The following SFXN4 variants were observed in gnomAD, a reference collection of about 807,000 sequenced individuals.
The protein encoded by SFXN4 is sideroflexin-4.
Under a neutral mutation model 54.6 loss-of-function variants are expected in SFXN4, and 48 were observed. That is an observed-to-expected ratio of 0.88 (90% CI 0.70 to 1.12). The LOEUF (loss-of-function observed/expected upper bound fraction) is 1.12, where lower values mean the gene tolerates loss of function less well. Ranked by LOEUF, SFXN4 falls within the 50% of genes most tolerant of loss-of-function variation. The pLI is 0.00. For missense variants in SFXN4, 383 were observed against 409.2 expected (o/e 0.94, Z 0.55); for synonymous variants, 130 against 145.5 (o/e 0.89, Z 0.77).
chr10:119,153,151 C>G (rs1317566476), intron 11 of SFXN4, among the ~76,000 whole-genome samples: 1 of 152,120 alleles, frequency 6.6e-6, no homozygotes, highest in African/African-American at 2.4e-5. Flanking sequence ...TGGCTCACCC[C>G]TGCAATCCCA....
rs1219376280 is a variant in SFXN4 at position 119,157,902 on chromosome 10, G to A, written c.440C>T (p.Ala147Val). 2.5e-6 allele frequency: 4 copies of A among 1,614,082 alleles called. No homozygotes were observed. Among genetic ancestry groups the A allele is most frequent in the East Asian group, 2.2e-5 (1 of 44,906 alleles). ...PQVFLCAYMA[A>V]FNSINGNRSY... ...TCTGTTTCCATTGATGCTGTTGAAC[G>A]CTGCCATGTAGGCACAGAGGAAAAC... The change falls in exon 8 of 14, where the codon GCG becomes GTG. Residue 147 changes from alanine (A) to valine (V), a missense_variant. Coordinates refer to ENST00000355697, the MANE Select transcript of SFXN4 (RefSeq NM_213649.2).
rs190883948 is a variant in SFXN4, at chr10:119,159,467, T to A, written c.360+261A>T. On this transcript the variant is annotated intron_variant, in intron 6 of 13. Transcript: ENST00000355697. Reference sequence around the variant, plus strand: ...TCTACCGTGCTCTGCGCATACTTGGTGTTCAGAAAAGGGATGACCTTGCCA... The same window carrying A: ...TCTACCGTGCTCTGCGCATACTTGGAGTTCAGAAAAGGGATGACCTTGCCA... 1.8e-3 allele frequency among the ~76,000 whole-genome samples: 279 copies of A among 151,956 alleles called. 1 individual carries two copies. Among genetic ancestry groups the A allele is most frequent in the Non-Finnish European group, 1.6e-3 (107 of 67,988 alleles).
intron 13 of SFXN4, among the ~76,000 whole-genome samples, chr10:119,145,157 T>A (rs1402144041): frequency 6.6e-6 from 1 of 152,024 alleles, no homozygotes; most frequent in East Asian, 1.9e-4. Flanking sequence ...TATATACTGT[T>A]TCCCCCTCAG....
chr10:119,156,248 G>T (rs1355018268), intron 10 of SFXN4, among the ~76,000 whole-genome samples: 2 of 152,046 alleles, frequency 1.3e-5, no homozygotes, highest in African/African-American at 4.8e-5. Context: ...CATGGTGAAA[G>T]CCTGTCTCTA....
At chr10:119,148,182 CTT>C (rs1178811347) in intron 11 of SFXN4, among the ~76,000 whole-genome samples, 2 of 151,942 alleles carry the variant, frequency 1.3e-5, no homozygotes, top group African/African-American at 2.4e-5. Context: ...AAAAAAGAAA[CTT>C]AGTACAGGAG....
intron 1 of SFXN4, chr10:119,165,139 A>C: frequency 1.1e-6 from 1 of 927,358 alleles, no homozygotes; most frequent in South Asian, 4.3e-5. Flanking sequence ...AGTCCTGCTT[A>C]TGTCCTGCCC....
rs56031432 is a variant in SFXN4 at position 119,146,428 on chromosome 10, CGTGT to C, written c.819-79_819-76del. 0.36 allele frequency: 198,681 copies of C among 555,656 alleles called. 23,634 individuals carry two copies. The highest frequency in any genetic ancestry group is 0.53 in the East Asian group (16,390 of 31,018). The allele number at this position is 555,656 out of a possible 1,614,324, so 34.4% of individuals were successfully genotyped here. A position where few individuals can be genotyped will look rare whatever the true frequency, so the allele number is the denominator to read the frequency against. ...TATTTTCTGAACAGCTGAATCAGGG[CGTGT>C]GTGTGTGTGTGTGTGTGTGTGTGTG... On this transcript the variant is annotated intron_variant, in intron 12 of 13. Transcript: ENST00000355697.
chr10:119,146,521 C>A (rs1846816846), intron 12 of SFXN4, among the ~76,000 whole-genome samples, 168 bp from the exon 13 acceptor site: 1 of 149,406 alleles, frequency 6.7e-6, no homozygotes, highest in Non-Finnish European at 1.5e-5. Context: ...TTTTGTTGTA[C>A]CTGAACAGCT....
At chr10:119,150,887 G>C (rs4751699) in intron 11 of SFXN4, among the ~76,000 whole-genome samples, 2 of 152,164 alleles carry the variant, frequency 1.3e-5, no homozygotes, top group African/African-American at 4.8e-5. Flanking sequence ...GTCCACCGCC[G>C]GCAGAATAGA....
chr10:119,158,814 C>A lies in SFXN4; in HGVS notation c.361-752G>T, dbSNP rs114559579. Among the ~76,000 whole-genome samples the A allele has an allele frequency of 1.9e-3, 282 of 152,062 alleles. 3 individuals are homozygous for A. The highest frequency in any genetic ancestry group is 6.6e-3 in the African/African-American group (273 of 41,472). On this transcript the variant is annotated intron_variant, in intron 6 of 13. Transcript: ENST00000355697. ...CCTGAGCAATGTAGCAAGACTCAGA[C>A]TCTGGTAAAAATAAAAAAATTAGCC...
chr10:119,160,908 A>G lies in SFXN4; in HGVS notation c.334+7T>C. Reference sequence around the variant, plus strand: ...CAACCCACTTCTGAAAATTAGAACCAACTCACCTGCAGGTCGAAAAAGCTT... The same window carrying G: ...CAACCCACTTCTGAAAATTAGAACCGACTCACCTGCAGGTCGAAAAAGCTT... On this transcript the variant is annotated splice_region_variant and intron_variant, in intron 5 of 13. Coordinates refer to ENST00000355697, the MANE Select transcript of SFXN4 (RefSeq NM_213649.2). 1 of 1,613,990 alleles carries G rather than the reference A, an allele frequency of 6.2e-7. No individual in the cohort carries two copies. Among genetic ancestry groups the G allele is most frequent in the East Asian group, 2.2e-5 (1 of 44,860 alleles).
In SFXN4 at chr10:119,160,282, C is replaced by A. The variant is rs529309433; in HGVS notation, c.335-529G>T. On this transcript the variant is annotated intron_variant, in intron 5 of 13. Transcript: ENST00000355697. ...CCAGCACTTTGGGAGGCCAAGTGGG[C>A]GGATCAGAAGGTCAGGAGTTCGAGA... is the stretch of plus-strand genomic sequence containing the variant. Among the ~76,000 whole-genome samples the A allele has an allele frequency of 7.8e-4, 118 of 151,922 alleles. 1 individual carries two copies. The highest frequency in any genetic ancestry group is 6.0e-3 in the South Asian group (29 of 4,812).
chr10:119,150,355 G>C (rs996262557), intron 11 of SFXN4, among the ~76,000 whole-genome samples: 4 of 152,034 alleles, frequency 2.6e-5, no homozygotes, highest in Non-Finnish European at 5.9e-5. Context: ...AAGCCTGGCA[G>C]GCAGGAGGTG....
At chr10:119,160,889 A>T (rs753101898) in intron 5 of SFXN4, 26 bp downstream of exon 5, 1 of 1,612,960 alleles carries the variant, frequency 6.2e-7, no homozygotes, top group Non-Finnish European at 8.5e-7. Context: ...TTCCCAACCC[A>T]CTTCTGAAAA....
At chr10:119,160,588 CTTTTTTTTTTT>C (rs1199404439) in intron 5 of SFXN4, among the ~76,000 whole-genome samples, 1 of 116,420 alleles carries the variant, frequency 8.6e-6, no homozygotes, top group Non-Finnish European at 1.7e-5. Context: ...GTTTTCTTTT[CTTTTTTTTTTT>C]TTTTTTGGAC....
intron 10 of SFXN4, among the ~76,000 whole-genome samples, chr10:119,155,638 A>G (rs1427256416): frequency 6.6e-6 from 1 of 152,066 alleles, no homozygotes; most frequent in Non-Finnish European, 1.5e-5. Context: ...CATTACAGGC[A>G]TGCCCCACCA....
chr10:119,147,834 T>C lies in SFXN4; in HGVS notation c.759A>G (p.Arg253=). The C allele has an allele frequency of 6.2e-7, 1 of 1,614,158 alleles. No individual in the cohort carries two copies. Residue 253 remains arginine (R), a synonymous_variant, in exon 12 of 14, where the codon AGA becomes AGG. Transcript: ENST00000355697. ...TKAVRETLAS[R]IVLFGTSALI... ...GAGCTGAGGTCCCAAACAGCACTAT[T>C]CTGGATGCTAGCGTTTCTCTAACAG...
intron 8 of SFXN4, 31 bp downstream of exon 8, chr10:119,157,840 C>T (rs936617523): frequency 1.2e-6 from 2 of 1,612,908 alleles, no homozygotes; most frequent in Admixed American, 1.7e-5. Flanking sequence ...TAACACAAAA[C>T]CCCACACTCT....
chr10:119,164,667 A>G lies in SFXN4; in HGVS notation c.112-471T>C, dbSNP rs117031134. 8.2e-3 allele frequency among the ~76,000 whole-genome samples: 1,248 copies of G among 152,286 alleles called. 4 individuals are homozygous for G. The highest frequency in any genetic ancestry group is 0.015 in the Non-Finnish European group (1,021 of 68,016). On this transcript the variant is annotated intron_variant, in intron 1 of 13. Transcript: ENST00000355697. Reference sequence around the variant, plus strand: ...GTGCAGCTGGGGTCACACTGGGGAAAAAGAGGTTTGCTCCAGCAAACTCTA... The same window carrying G: ...GTGCAGCTGGGGTCACACTGGGGAAGAAGAGGTTTGCTCCAGCAAACTCTA...
Sources: gnomAD v4.1 joint callset for allele counts (sites outside exome capture counted in the v4.1 genomes callset) on GRCh38, gnomAD v4.1.1 for gene constraint, MANE v1.5 for transcripts, NCBI Gene and HGNC (gene_info 2026-07-23, HGNC 2026-07-21) for gene names.